The following DPRX variants were observed in gnomAD, a reference collection of about 807,000 sequenced individuals.
The protein encoded by DPRX is divergent paired-related homeobox.
Under a neutral mutation model 8.4 loss-of-function variants are expected in DPRX, and 11 were observed. The ratio of observed to expected loss-of-function variants is 1.31; its 90% CI spans 0.82 to 2.17. The LOEUF (loss-of-function observed/expected upper bound fraction) is 2.17. Ranked by LOEUF, DPRX falls within the 30% of genes most tolerant of loss-of-function variation. The pLI, the probability that DPRX is intolerant of heterozygous loss-of-function variation, is 0.00. For synonymous variants in DPRX, 72 were observed against 87.0 expected, an observed-to-expected ratio of 0.83 and a Z score of 0.96; for missense variants, 211 against 236.7, an observed-to-expected ratio of 0.89 and a Z score of 0.71.
intron 1 of DPRX, among the ~76,000 whole-genome samples, chr19:53,632,877 T>A (rs1295043811): frequency 6.6e-5 from 10 of 152,208 alleles, no homozygotes; most frequent in Non-Finnish European, 1.5e-4. Flanking sequence ...GGGAATCTGA[T>A]TCCTATGAGG....
chr19:53,602,131 C>T, the DPRX span: 7 of 456,492 alleles, frequency 1.5e-5, no homozygotes, highest in Non-Finnish European at 2.6e-5. Flanking sequence ...GGCCAATGGG[C>T]CAATACCAGG....
the DPRX span, among the ~76,000 whole-genome samples, chr19:53,620,389 G>T: frequency 2.0e-5 from 3 of 150,834 alleles, no homozygotes; most frequent in African/African-American, 4.9e-5. Flanking sequence ...TTTAGACAGG[G>T]TCTTCCTCTG....
In DPRX at chr19:53,636,011, A is replaced by G. The variant is rs546942684; in HGVS notation, c.184-585A>G. Among the ~76,000 whole-genome samples, 81 of 152,224 alleles carry G rather than the reference A, an allele frequency of 5.3e-4. 1 individual carries two copies. Among genetic ancestry groups the G allele is most frequent in the Admixed American group, 2.2e-3 (33 of 15,262 alleles). On this transcript the variant is annotated intron_variant, in intron 2 of 2. Coordinates refer to ENST00000376650, the Ensembl canonical transcript of DPRX. ...GATTGAGTAGGGTTCCACAAAGAGG[A>G]TGTAAGTGGCCAAGCTGTGGCACTA...
At chr19:53,634,714 A>C (rs2091105856) in intron 2 of DPRX, 29 bp downstream of exon 2, 2 of 1,600,850 alleles carry the variant, frequency 1.2e-6, no homozygotes, top group Non-Finnish European at 1.7e-6. Context: ...TTCTCACTAA[A>C]CTGCCTTCCT....
chr19:53,636,901 C>T, exon 3 of DPRX: 1 of 1,614,100 alleles, frequency 6.2e-7, no homozygotes. Context: ...TATACTGCCT[C>T]TACCCCATTT....
exon 1 of DPRX, chr19:53,632,087 G>T: frequency 6.2e-7 from 1 of 1,613,888 alleles, no homozygotes; most frequent in Non-Finnish European, 8.5e-7. Context: ...CTGAACCCAG[G>T]CGCACATCTG....
At chr19:53,613,377 C>T in the DPRX span, among the ~76,000 whole-genome samples, 1 of 152,140 alleles carries the variant, frequency 6.6e-6, no homozygotes, top group East Asian at 1.9e-4. Flanking sequence ...GATGGAATCT[C>T]GCTCTGTCAC....
chr19:53,601,775 C>T, the DPRX span, among the ~76,000 whole-genome samples: 4 of 152,116 alleles, frequency 2.6e-5, no homozygotes, highest in East Asian at 1.9e-4. Flanking sequence ...AGCCACCTCA[C>T]CTGGCTCAAT....
At chr19:53,605,306 G>A in the DPRX span, among the ~76,000 whole-genome samples, 1 of 151,466 alleles carries the variant, frequency 6.6e-6, no homozygotes, top group African/African-American at 2.4e-5. Context: ...CTAACCTGCT[G>A]CGCTCAAGCC....
chr19:53,603,509 C>T, the DPRX span: 63,394 of 415,776 alleles, frequency 0.15, 5,104 homozygotes, highest in Admixed American at 0.22. Context: ...CTTCCTCCTT[C>T]GGCTTCTCGT....
At chr19:53,629,203 A>G (rs1006639551), upstream of DPRX, among the ~76,000 whole-genome samples, 8 of 150,738 alleles carry the variant, frequency 5.3e-5, no homozygotes, top group Non-Finnish European at 1.2e-4. Context: ...AATCCCACCT[A>G]CTCAGGAGAC....
At chr19:53,632,166 G>A (rs756432065) in intron 1 of DPRX, 32 bp downstream of exon 1, 11 of 1,614,012 alleles carry the variant, frequency 6.8e-6, no homozygotes, top group Non-Finnish European at 8.5e-6. Context: ...CCGAAGCAAA[G>A]ACACGTGAAG....
At chr19:53,617,143 A>C in the DPRX span, 2 of 1,166,148 alleles carry the variant, frequency 1.7e-6, no homozygotes, top group Non-Finnish European at 2.6e-6. Flanking sequence ...CAAATATCCC[A>C]AAACTCAATA....
chr19:53,611,225 C>CA, the DPRX span, among the ~76,000 whole-genome samples: 2 of 151,826 alleles, frequency 1.3e-5, no homozygotes, highest in African/African-American at 4.8e-5. Context: ...CTAAAAAAAA[C>CA]AAAAAATCCT....
upstream of DPRX, chr19:53,629,572 G>C (rs906004860): frequency 1.3e-5 from 2 of 150,494 alleles, no homozygotes; most frequent in Non-Finnish European, 2.9e-5. Flanking sequence ...GAAATACCTG[G>C]AAAAGATAAA....
chr19:53,616,748 C>T, the DPRX span: 1 of 1,423,522 alleles, frequency 7.0e-7, no homozygotes, highest in Non-Finnish European at 9.6e-7. Flanking sequence ...GAGCGAAACT[C>T]TGTCTCAAAA....
chr19:53,631,547 G>A (rs1366276405), upstream of DPRX, among the ~76,000 whole-genome samples: 1 of 151,898 alleles, frequency 6.6e-6, no homozygotes, highest in Admixed American at 6.6e-5. Context: ...AACGTTGAGG[G>A]CAGGAGTTCA....
At chr19:53,620,985 G>C in the DPRX span, among the ~76,000 whole-genome samples, 1 of 152,178 alleles carries the variant, frequency 6.6e-6, no homozygotes, top group Admixed American at 6.6e-5. Flanking sequence ...TGAGGTGAGA[G>C]TATGGTAGAA....
intron 1 of DPRX, 89 bp downstream of exon 1, chr19:53,632,223 C>G (rs2091095340): frequency 6.3e-7 from 1 of 1,580,068 alleles, no homozygotes; most frequent in Non-Finnish European, 8.7e-7. Context: ...GACCAGGCGG[C>G]CGAAGCTGGT....
Sources: allele counts gnomAD v4.1 joint callset (sites outside exome capture counted in the v4.1 genomes callset), GRCh38; gene constraint gnomAD v4.1.1; transcripts MANE v1.5; gene names NCBI Gene and HGNC (gene_info 2026-07-23, HGNC 2026-07-21).